Variants in GGH observed in about 807,000 individuals in gnomAD.
GGH encodes the protein gamma-Glu-X carboxypeptidase.
GGH carries 18 observed loss-of-function variants against 39.2 expected under a neutral mutation model. That is an observed-to-expected ratio of 0.46 (90% confidence interval 0.32 to 0.68). The LOEUF is 0.68. Among genes scored for constraint, GGH ranks in the 30% least tolerant of loss-of-function variants. The pLI, the probability that GGH is intolerant of heterozygous loss-of-function variation, is 0.04. For synonymous variants in GGH, 147 were observed against 138.8 expected, an observed-to-expected ratio of 1.06 and a Z score of -0.42; for missense variants, 367 against 384.1, an observed-to-expected ratio of 0.96 and a Z score of 0.37.
chr8:63,029,855 C>G (rs1334262141), intron 3 of GGH: 1 of 198,608 alleles, frequency 5.0e-6, no homozygotes, highest in African/African-American at 2.3e-5. Flanking sequence ...AAGCAGTATG[C>G]CACGCCATTC....
At chr8:63,028,658 T>C (rs3824333) in intron 3 of GGH, among the ~76,000 whole-genome samples, 18,951 of 152,064 alleles carry the variant, frequency 0.12, 1,388 homozygotes, top group East Asian at 0.34. Context: ...TTTCAGTGAC[T>C]ACATGAGAGA....
intron 8 of GGH, 175 bp downstream of exon 8, chr8:63,017,318 C>A (rs1458358187): frequency 3.9e-6 from 2 of 508,144 alleles, no homozygotes; most frequent in African/African-American, 4.0e-5. Flanking sequence ...TATTAGAATA[C>A]CTTACATCTT....
intron 8 of GGH, among the ~76,000 whole-genome samples, chr8:63,016,307 G>A: frequency 6.6e-6 from 1 of 151,962 alleles, no homozygotes; most frequent in Non-Finnish European, 1.5e-5. Context: ...GACTAATACT[G>A]TATATGGGAT....
chr8:63,032,636 T>C (rs989864207), intron 2 of GGH, among the ~76,000 whole-genome samples: 1 of 152,194 alleles, frequency 6.6e-6, no homozygotes, highest in Non-Finnish European at 1.5e-5. Context: ...AATTCAGAAA[T>C]GAACCTAACA....
chr8:63,032,782 T>C (rs1341752788), intron 2 of GGH, among the ~76,000 whole-genome samples: 1 of 152,194 alleles, frequency 6.6e-6, no homozygotes, highest in African/African-American at 2.4e-5. Flanking sequence ...AGAACCCAAT[T>C]TGGAAATAAA....
intron 3 of GGH, among the ~76,000 whole-genome samples, chr8:63,029,744 C>T (rs1229141250): frequency 2.6e-5 from 4 of 151,938 alleles, no homozygotes; most frequent in Non-Finnish European, 1.5e-5. Context: ...TGTAATTAGC[C>T]TTCTTTCCTA....
At chr8:63,034,650 C>A (rs1222661630) in intron 2 of GGH, among the ~76,000 whole-genome samples, 2 of 152,070 alleles carry the variant, frequency 1.3e-5, no homozygotes, top group Admixed American at 1.3e-4. Context: ...TGAGATGAAT[C>A]ATTTTATTCT....
At chr8:63,037,362 G>C (rs570914349) in intron 1 of GGH, among the ~76,000 whole-genome samples, 2 of 152,086 alleles carry the variant, frequency 1.3e-5, no homozygotes, top group African/African-American at 4.8e-5. Context: ...GGGAGCACAA[G>C]GGTACCAGAA....
chr8:63,023,612 T>C, intron 7 of GGH: 1 of 195,016 alleles, frequency 5.1e-6, no homozygotes, highest in African/African-American at 2.3e-5. Flanking sequence ...GGAAAGTCTG[T>C]CAAGGTATTT....
intron 2 of GGH, among the ~76,000 whole-genome samples, chr8:63,034,585 G>A (rs1804865758): frequency 6.6e-6 from 1 of 152,084 alleles, no homozygotes; most frequent in South Asian, 2.1e-4. Context: ...TAAGATTCTG[G>A]TTGTTAGCTC....
intron 1 of GGH, among the ~76,000 whole-genome samples, chr8:63,037,442 C>G (rs141757164): frequency 1.3e-5 from 2 of 152,232 alleles, no homozygotes; most frequent in African/African-American, 4.8e-5. Context: ...TTCACTTTTC[C>G]CATCCCTGGG....
At chr8:63,034,189 G>A (rs949205495) in intron 2 of GGH, among the ~76,000 whole-genome samples, 4 of 151,508 alleles carry the variant, frequency 2.6e-5, no homozygotes, top group African/African-American at 7.3e-5. Flanking sequence ...AAACTCTGGC[G>A]TTATATGGGC....
chr8:63,015,459 A>T lies in GGH; in HGVS notation c.836-6T>A. 6.6e-7 allele frequency: 1 copy of T among 1,524,224 alleles called. No individual in the cohort carries two copies. Among genetic ancestry groups the T allele is most frequent in the Non-Finnish European group, 8.9e-7 (1 of 1,119,942 alleles). 94.4% of individuals were successfully genotyped at this position (1,524,224 alleles called of 1,614,324 possible). A position where few individuals can be genotyped will look rare whatever the true frequency, so the allele number is the denominator to read the frequency against. The stretch of plus-strand genomic sequence containing the variant: ...ATGATGGTTGTTTTTCCGAGCTGCA[A>T]GAAAAAAAGTTAATTTTTAAAAAGA... On this transcript the variant is annotated splice_region_variant and splice_polypyrimidine_tract_variant and intron_variant, in intron 8 of 8. Transcript: ENST00000260118.
intron 2 of GGH, among the ~76,000 whole-genome samples, chr8:63,031,255 C>T (rs1032985588): frequency 2.6e-5 from 4 of 152,192 alleles, no homozygotes; most frequent in African/African-American, 9.6e-5. Context: ...TACTCTAAGT[C>T]CAAACAAGCT....
At chr8:63,037,819 T>G (rs1804939032) in intron 1 of GGH, among the ~76,000 whole-genome samples, 1 of 152,180 alleles carries the variant, frequency 6.6e-6, no homozygotes, top group African/African-American at 2.4e-5. Flanking sequence ...AAGTTCCAAA[T>G]ATTAGTAAGC....
At chr8:63,033,264 T>C (rs1337281978) in intron 2 of GGH, among the ~76,000 whole-genome samples, 1 of 152,216 alleles carries the variant, frequency 6.6e-6, no homozygotes, top group African/African-American at 2.4e-5. Flanking sequence ...TAGTTTACAC[T>C]GGGGTTCATT....
chr8:63,027,648 G>A (rs1310913447), intron 3 of GGH, among the ~76,000 whole-genome samples: 1 of 152,076 alleles, frequency 6.6e-6, no homozygotes, highest in African/African-American at 2.4e-5. Flanking sequence ...CAAATCAATT[G>A]CAGGTCCATA....
chr8:63,027,667 T>A (rs1417803192), intron 3 of GGH, among the ~76,000 whole-genome samples: 1 of 152,090 alleles, frequency 6.6e-6, no homozygotes. Context: ...TAATTATGGG[T>A]AGGTTTTAGC....
rs547762542 is a variant in GGH, at chr8:63,030,822, T to C, written c.225-605A>G. Among the ~76,000 whole-genome samples, 9 of 152,108 alleles carry C rather than the reference T, an allele frequency of 5.9e-5. No individual in the cohort carries two copies. In the South Asian group the frequency reaches 1.3e-3, roughly 21 times the overall value. ...GGTAATTACTCTGAAAGACCCTTGA[T>C]CAAACACCCCTTAAGGGCCTCCTAA... On this transcript the variant is annotated intron_variant, in intron 2 of 8. Coordinates refer to ENST00000260118, the MANE Select transcript of GGH (RefSeq NM_003878.3).
Sources: allele counts gnomAD v4.1 joint callset (sites outside exome capture counted in the v4.1 genomes callset), GRCh38; gene constraint gnomAD v4.1.1; transcripts MANE v1.5; gene names NCBI Gene and HGNC (gene_info 2026-07-23, HGNC 2026-07-21).